FILIP1L: variants seen among roughly 807,000 people sequenced by gnomAD.
The protein encoded by FILIP1L is filamin A-interacting protein 1-like.
FILIP1L carries 55 observed loss-of-function variants against 96.6 expected under a neutral mutation model. The ratio of observed to expected loss-of-function variants is 0.57; its 90% CI spans 0.46 to 0.71. The LOEUF is 0.71. FILIP1L is among the 30% of genes least tolerant of loss of function. The pLI, the probability that FILIP1L is intolerant of heterozygous loss-of-function variation, is 0.00. For missense variants in FILIP1L, 1,304 were observed against 1,321.2 expected (o/e 0.99, Z 0.20); for synonymous variants, 467 against 473.9 (o/e 0.99, Z 0.19).
intron 1 of FILIP1L, among the ~76,000 whole-genome samples, chr3:100,107,581 G>A (rs2066415897): frequency 6.6e-6 from 1 of 152,122 alleles, no homozygotes; most frequent in Non-Finnish European, 1.5e-5. Context: ...AGTCTTGTGA[G>A]TATAAATGCT....
intron 4 of FILIP1L, among the ~76,000 whole-genome samples, chr3:99,862,293 G>C (rs1297062245): frequency 6.6e-6 from 1 of 152,182 alleles, no homozygotes; most frequent in East Asian, 1.9e-4. Context: ...ACAACACAGT[G>C]AGACAACGTC....
chr3:99,955,219 T>C (rs1708287285), intron 1 of FILIP1L, among the ~76,000 whole-genome samples: 1 of 152,196 alleles, frequency 6.6e-6, no homozygotes, highest in African/African-American at 2.4e-5. Flanking sequence ...AAGTCTTCTC[T>C]GTAGTAATAA....
At chr3:100,054,619 C>G (rs1237521127) in intron 1 of FILIP1L, among the ~76,000 whole-genome samples, 1 of 152,004 alleles carries the variant, frequency 6.6e-6, no homozygotes, top group Admixed American at 6.6e-5. Flanking sequence ...GGGAATACAA[C>G]GTGAATAATC....
At chr3:99,847,709 A>T (rs1463237326) in intron 5 of FILIP1L, among the ~76,000 whole-genome samples, 2 of 152,186 alleles carry the variant, frequency 1.3e-5, no homozygotes, top group Non-Finnish European at 2.9e-5. Flanking sequence ...CTTCTGAAAG[A>T]TCTTATAGTT....
intron 4 of FILIP1L, among the ~76,000 whole-genome samples, chr3:99,887,572 C>A (rs1328295345): frequency 6.6e-6 from 1 of 152,102 alleles, no homozygotes; most frequent in Non-Finnish European, 1.5e-5. Context: ...TACAGACAGT[C>A]GGGTGCCATC....
At chr3:99,856,413 T>A (rs751935441) in intron 4 of FILIP1L, among the ~76,000 whole-genome samples, 7 of 152,204 alleles carry the variant, frequency 4.6e-5, no homozygotes, top group Non-Finnish European at 1.0e-4. Context: ...TTAAAGACTA[T>A]TGTCTTGGAG....
rs963448070 is a variant in FILIP1L at position 100,090,613 on chromosome 3, C to T, written c.-11+23440G>A. Reference sequence around the variant, plus strand: ...AACACTAGCCTCTGCCTTTCCAAAGCCTTCCTGGTGTTGCAGTCGTGTTCT... The same window carrying T: ...AACACTAGCCTCTGCCTTTCCAAAGTCTTCCTGGTGTTGCAGTCGTGTTCT... On this transcript the variant is annotated intron_variant, in intron 1 of 5. Transcript: ENST00000477258. 2.0e-5 allele frequency among the ~76,000 whole-genome samples: 3 copies of T among 152,188 alleles called. 1 individual carries two copies. The highest frequency in any genetic ancestry group is 6.5e-5 in the Admixed American group (1 of 15,284).
At position 99,850,609 on chromosome 3, in the gene FILIP1L, T is replaced by C; in HGVS notation, c.1067A>G (p.Glu356Gly). ...KAEEELQDIK[E>G]KISKGEYGNA... ...TCCATATTCTCCCTTACTGATTTTTTCTTTTATATCTTGCAGCTCCTCTTC... is the reference window on the plus strand; with the variant it reads ...TCCATATTCTCCCTTACTGATTTTTCCTTTTATATCTTGCAGCTCCTCTTC... The change falls in exon 5 of 6, where the codon GAA becomes GGA. Residue 356 changes from glutamate to glycine, a missense_variant. Physicochemically the swap from Glu to Gly is moderately conservative, Grantham distance 98 (BLOSUM62 -2). Coordinates refer to ENST00000477258, the MANE Select transcript of FILIP1L (RefSeq NM_001387850.1). 6.2e-7 allele frequency: 1 copy of C among 1,613,944 alleles called. No individual in the cohort carries two copies. The highest frequency in any genetic ancestry group is 1.3e-5 in the African/African-American group (1 of 75,046).
At chr3:99,878,837 G>A (rs1487118876) in intron 4 of FILIP1L, among the ~76,000 whole-genome samples, 1 of 152,164 alleles carries the variant, frequency 6.6e-6, no homozygotes, top group Non-Finnish European at 1.5e-5. Flanking sequence ...TGCGCCATTG[G>A]CCACATAAGT....
intron 1 of FILIP1L, among the ~76,000 whole-genome samples, chr3:100,095,256 A>G (rs2066184576): frequency 6.6e-6 from 1 of 152,144 alleles, no homozygotes; most frequent in African/African-American, 2.4e-5. Context: ...CATCTTGCCT[A>G]TATCTACAAA....
Position 100,066,760 on chromosome 3 carries a change from T to C in FILIP1L, c.-11+47293A>G, listed in dbSNP as rs1253246728. Reference sequence around the variant, plus strand: ...TTTAGCCGGGATGGTCTCGATCTCCTGACCTCGTGATCCGCCCGCCTCGGC... The same window carrying C: ...TTTAGCCGGGATGGTCTCGATCTCCCGACCTCGTGATCCGCCCGCCTCGGC... On this transcript the variant is annotated intron_variant, in intron 1 of 5. Coordinates refer to ENST00000477258, the MANE Select transcript of FILIP1L (RefSeq NM_001387850.1). Among the ~76,000 whole-genome samples the C allele has an allele frequency of 3.2e-5, 3 of 94,788 alleles. 1 individual carries two copies. Among genetic ancestry groups the C allele is most frequent in the Non-Finnish European group, 7.4e-5 (3 of 40,610 alleles). 62.2% of individuals were successfully genotyped at this position (94,788 alleles called of 152,430 possible). A position where few individuals can be genotyped will look rare whatever the true frequency, so the allele number is the denominator to read the frequency against.
At chr3:100,020,490 G>A (rs541736546) in intron 1 of FILIP1L, among the ~76,000 whole-genome samples, 6 of 152,198 alleles carry the variant, frequency 3.9e-5, no homozygotes, top group African/African-American at 9.6e-5. Flanking sequence ...GGCTCTAATC[G>A]TTTTGAAGGC....
chr3:100,114,254 A>C lies in FILIP1L; in HGVS notation c.-212T>G, dbSNP rs1370422160. ...AGTGATAGCTCTGCAAAGGAGAGGCAGTGGGGAGCCCAACAACAAGTAGGC... is the reference window on the plus strand; with the variant it reads ...AGTGATAGCTCTGCAAAGGAGAGGCCGTGGGGAGCCCAACAACAAGTAGGC... On this transcript the variant is annotated 5_prime_UTR_variant, in exon 1 of 6. Transcript: ENST00000477258. 6.6e-6 allele frequency: 1 copy of C among 151,530 alleles called. No homozygotes were observed. The highest frequency in any genetic ancestry group is 2.4e-5 in the African/African-American group (1 of 41,188). The allele number at this position is 151,530 out of a possible 1,614,324, so 9.4% of individuals were successfully genotyped here. A position where few individuals can be genotyped will look rare whatever the true frequency, so the allele number is the denominator to read the frequency against.
chr3:99,858,117 G>A (rs1944061765), intron 4 of FILIP1L, among the ~76,000 whole-genome samples: 1 of 152,156 alleles, frequency 6.6e-6, no homozygotes, highest in Admixed American at 6.5e-5. Context: ...GCTTTTGAGT[G>A]TATGGGCTGT....
At chr3:100,057,258 GTC>G (rs1452454693) in intron 1 of FILIP1L, among the ~76,000 whole-genome samples, 1 of 152,174 alleles carries the variant, frequency 6.6e-6, no homozygotes, top group Non-Finnish European at 1.5e-5. Flanking sequence ...TTCTCCAAGA[GTC>G]TAATCTTTCT....
intron 1 of FILIP1L, among the ~76,000 whole-genome samples, chr3:100,038,938 G>A (rs1428097665): frequency 6.6e-6 from 1 of 152,156 alleles, no homozygotes; most frequent in Non-Finnish European, 1.5e-5. Context: ...GTACATGTTT[G>A]TCTGCATATG....
In FILIP1L at chr3:99,849,273, C is replaced by T; in HGVS notation, c.2403G>A (p.Gln801=). The change falls in exon 5 of 6, where the codon CAG becomes CAA. Residue 801 remains glutamine (Q), a synonymous_variant. Coordinates refer to ENST00000477258, the MANE Select transcript of FILIP1L (RefSeq NM_001387850.1). ...GTGGTTCATTGTCTACTGCTTCTGT[C>T]TGAACTTCTTTAGAAAATACTTGAG... ...SDPQVFSKEV[Q]TEAVDNEPPD... is the part of the protein sequence containing the mutation. 3 of 1,614,158 alleles carry T rather than the reference C, an allele frequency of 1.9e-6. No homozygotes were observed. The highest frequency in any genetic ancestry group is 2.5e-6 in the Non-Finnish European group (3 of 1,180,018).
chr3:100,005,745 A>G (rs1033200195), intron 1 of FILIP1L, among the ~76,000 whole-genome samples: 19 of 152,224 alleles, frequency 1.2e-4, no homozygotes, highest in Non-Finnish European at 2.5e-4. Context: ...ACACTTGGTT[A>G]TGAGGAAGAG....
Position 99,829,323 on chromosome 3 carries a change from G to A in FILIP1L, c.*1091C>T, listed in dbSNP as rs370665890. Among the ~76,000 whole-genome samples, 11 of 152,058 alleles carry A rather than the reference G, an allele frequency of 7.2e-5. 1 individual carries two copies. The highest frequency in any genetic ancestry group is 7.2e-4 in the Admixed American group (11 of 15,262). ...GTCTTAAAATGTCCTGTATTACTCT[G>A]TCCACACTGAATTACAGGCACACCT... On this transcript the variant is annotated 3_prime_UTR_variant, in exon 6 of 6. Coordinates refer to ENST00000477258, the MANE Select transcript of FILIP1L (RefSeq NM_001387850.1).
Sources: allele counts gnomAD v4.1 joint callset (sites outside exome capture counted in the v4.1 genomes callset), GRCh38; gene constraint gnomAD v4.1.1; transcripts MANE v1.5; gene names NCBI Gene and HGNC (gene_info 2026-07-23, HGNC 2026-07-21).